Variants in FAF1 observed in about 807,000 individuals in gnomAD.
The protein encoded by FAF1 is FAS-associated factor 1.
In FAF1, 25 loss-of-function variants were observed where a neutral mutation model predicts 92.5. That is an observed-to-expected ratio of 0.27 (90% CI 0.20 to 0.38). FAF1 has a LOEUF of 0.38. Among genes scored for constraint, FAF1 ranks in the 10% least tolerant of loss-of-function variants. The pLI is 1.00. For missense variants in FAF1, 636 were observed against 793.3 expected (o/e 0.80, Z 2.38); for synonymous variants, 234 against 273.2 (o/e 0.86, Z 1.42).
chr1:50,773,778 A>G (rs1293562517), intron 4 of FAF1, among the ~76,000 whole-genome samples: 1 of 152,192 alleles, frequency 6.6e-6, no homozygotes, highest in African/African-American at 2.4e-5. Flanking sequence ...ATGCACAGTA[A>G]GGTGAATACA....
At chr1:50,873,583 T>C (rs1412549346) in intron 1 of FAF1, among the ~76,000 whole-genome samples, 2 of 152,228 alleles carry the variant, frequency 1.3e-5, no homozygotes, top group East Asian at 1.9e-4. Context: ...ACACTCATTG[T>C]TCATTAGCAT....
At chr1:50,800,194 T>C (rs1661933887) in intron 3 of FAF1, among the ~76,000 whole-genome samples, 2 of 152,208 alleles carry the variant, frequency 1.3e-5, no homozygotes, top group South Asian at 4.1e-4. Context: ...ACAGGAAAGA[T>C]GGAATGTTTC....
intron 1 of FAF1, among the ~76,000 whole-genome samples, chr1:50,863,887 T>C (rs1226563150): frequency 6.6e-6 from 1 of 152,126 alleles, no homozygotes; most frequent in African/African-American, 2.4e-5. Flanking sequence ...CAGAGCCTGT[T>C]ATTGGTCTAT....
At chr1:50,473,733 T>C (rs193072153) in intron 18 of FAF1, among the ~76,000 whole-genome samples, 3 of 152,102 alleles carry the variant, frequency 2.0e-5, no homozygotes, top group Admixed American at 1.3e-4. Flanking sequence ...AAAGGAACAA[T>C]AGTCAGCACC....
chr1:50,573,077 C>CT (rs1277898774), intron 12 of FAF1, among the ~76,000 whole-genome samples: 3 of 151,698 alleles, frequency 2.0e-5, no homozygotes, highest in Non-Finnish European at 4.4e-5. Flanking sequence ...GAGAGAGTGA[C>CT]TTCTCTGTGA....
chr1:50,740,988 T>C (rs943637213), intron 5 of FAF1, among the ~76,000 whole-genome samples: 1 of 152,352 alleles, frequency 6.6e-6, no homozygotes, highest in Non-Finnish European at 1.5e-5. Flanking sequence ...TCAAACCACA[T>C]ATGGAAAGAT....
intron 1 of FAF1, among the ~76,000 whole-genome samples, chr1:50,898,194 T>C (rs1644770982): frequency 6.6e-6 from 1 of 152,186 alleles, no homozygotes; most frequent in Non-Finnish European, 1.5e-5. Flanking sequence ...TAGTCCCAGC[T>C]ACCCAGGAGG....
At chr1:50,787,106 C>A (rs572573118) in intron 4 of FAF1, among the ~76,000 whole-genome samples, 2 of 152,250 alleles carry the variant, frequency 1.3e-5, no homozygotes, top group South Asian at 4.1e-4. Flanking sequence ...ATCAGATAAT[C>A]TGAATCAAAT....
intron 7 of FAF1, 69 bp from the exon 8 acceptor site, chr1:50,655,597 A>G: frequency 1.0e-6 from 1 of 971,676 alleles, no homozygotes; most frequent in South Asian, 1.4e-5. Flanking sequence ...CAATCAATTT[A>G]TGAGACATAC....
intron 1 of FAF1, among the ~76,000 whole-genome samples, chr1:50,926,844 A>T (rs1355299000): frequency 2.0e-5 from 3 of 152,256 alleles, no homozygotes; most frequent in Non-Finnish European, 4.4e-5. Flanking sequence ...ATTGTTGACA[A>T]TATCCAAAAT....
chr1:50,614,959 T>C lies in FAF1; in HGVS notation c.745-18743A>G, dbSNP rs571434347. 5.9e-5 allele frequency among the ~76,000 whole-genome samples: 9 copies of C among 152,134 alleles called. No individual in the cohort carries two copies. In the South Asian group the frequency reaches 1.0e-3, roughly 18 times the overall value. On this transcript the variant is annotated intron_variant, in intron 8 of 18. Coordinates refer to ENST00000396153, the MANE Select transcript of FAF1 (RefSeq NM_007051.3). Reference sequence around the variant, plus strand: ...TTTTATGTTAGACACAGGGAGTACATGTACAGGATTTTTACATGGGTATAT... The same window carrying C: ...TTTTATGTTAGACACAGGGAGTACACGTACAGGATTTTTACATGGGTATAT...
At chr1:50,872,662 C>T (rs1386888767) in intron 1 of FAF1, among the ~76,000 whole-genome samples, 4 of 151,984 alleles carry the variant, frequency 2.6e-5, no homozygotes, top group East Asian at 1.9e-4. Context: ...TTTGGGAGGC[C>T]GAGGCAGGCA....
At chr1:50,522,688 GC>G (rs1229020862) in intron 15 of FAF1, among the ~76,000 whole-genome samples, 1 of 152,120 alleles carries the variant, frequency 6.6e-6, no homozygotes, top group African/African-American at 2.4e-5. Flanking sequence ...CCAATTTCCA[GC>G]CCATAGTAAC....
intron 3 of FAF1, among the ~76,000 whole-genome samples, chr1:50,795,170 A>G (rs1159323811): frequency 6.6e-6 from 1 of 152,176 alleles, no homozygotes; most frequent in Non-Finnish European, 1.5e-5. Context: ...GAAACTATGG[A>G]GTGCCTAAAC....
intron 7 of FAF1, among the ~76,000 whole-genome samples, chr1:50,684,429 C>T (rs1656563942): frequency 6.6e-6 from 1 of 152,070 alleles, no homozygotes; most frequent in South Asian, 2.1e-4. Context: ...TACTCAATCA[C>T]TTATTTATTC....
intron 18 of FAF1, among the ~76,000 whole-genome samples, chr1:50,454,548 C>T (rs1646330006): frequency 6.6e-6 from 1 of 152,192 alleles, no homozygotes; most frequent in African/African-American, 2.4e-5. Flanking sequence ...ATATGCCTAT[C>T]CCATTATCCT....
chr1:50,465,980 C>T (rs1412764394), intron 18 of FAF1, among the ~76,000 whole-genome samples: 1 of 152,012 alleles, frequency 6.6e-6, no homozygotes. Context: ...AGGCCTTTCA[C>T]TCTGAACTGA....
At chr1:50,906,261 A>G (rs559104698) in intron 1 of FAF1, among the ~76,000 whole-genome samples, 8 of 152,320 alleles carry the variant, frequency 5.3e-5, no homozygotes, top group Non-Finnish European at 1.0e-4. Flanking sequence ...TACCAGTACC[A>G]TGCTGTTTTG....
chr1:50,564,202 T>C (rs980508792), intron 13 of FAF1, among the ~76,000 whole-genome samples: 2 of 151,244 alleles, frequency 1.3e-5, no homozygotes, highest in Non-Finnish European at 2.9e-5. Flanking sequence ...ATATTGGATA[T>C]CAACATCCTC....
Sources: gnomAD v4.1 joint callset for allele counts (sites outside exome capture counted in the v4.1 genomes callset) on GRCh38, gnomAD v4.1.1 for gene constraint, MANE v1.5 for transcripts, NCBI Gene and HGNC (gene_info 2026-07-23, HGNC 2026-07-21) for gene names.